The following LYPLA1 variants were observed in gnomAD, a reference collection of about 807,000 sequenced individuals.
LYPLA1 encodes lysophospholipase 1, also known as acyl-protein thioesterase 1.
In LYPLA1, 17 loss-of-function variants were observed where a neutral mutation model predicts 34.0. The ratio of observed to expected loss-of-function variants is 0.50; its 90% CI spans 0.34 to 0.75. LYPLA1 has a LOEUF of 0.75. Ranked by LOEUF, LYPLA1 falls within the 30% of genes least tolerant of loss-of-function variation. LYPLA1 has a pLI of 0.01. For synonymous variants in LYPLA1, 98 were observed against 100.8 expected (o/e 0.97, Z 0.17); for missense variants, 203 against 288.8 (o/e 0.70, Z 2.15).
In LYPLA1 at chr8:54,051,365, T is replaced by C. The variant is rs536692069; in HGVS notation, c.463-177A>G. On this transcript the variant is annotated intron_variant, in intron 7 of 8. Coordinates refer to ENST00000316963, the MANE Select transcript of LYPLA1 (RefSeq NM_006330.4). ...CCACATCCCTTTGACTTCTATAGGA[T>C]GTATGATCACCTTGCCTCATATTAT... Among the ~76,000 whole-genome samples, 13 of 152,346 alleles carry C rather than the reference T, an allele frequency of 8.5e-5. No homozygotes were observed. The South Asian group carries it at 2.5e-3, about 29-fold the overall frequency.
At chr8:54,067,757 G>A (rs867787498) in intron 2 of LYPLA1, among the ~76,000 whole-genome samples, 12 of 149,248 alleles carry the variant, frequency 8.0e-5, no homozygotes, top group Admixed American at 5.4e-4. Context: ...GTGCAGTGGC[G>A]CGATCTCGGC....
intron 2 of LYPLA1, among the ~76,000 whole-genome samples, chr8:54,070,114 T>C (rs762621364): frequency 8.5e-5 from 13 of 152,218 alleles, no homozygotes; most frequent in Non-Finnish European, 1.9e-4. Flanking sequence ...AGTTACCATA[T>C]CCAGCAATTC....
rs1422870111 is a variant in LYPLA1, at chr8:54,059,329, G to A, written c.286+2925C>T. On this transcript the variant is annotated intron_variant, in intron 5 of 8. Transcript: ENST00000316963. ...TTTTTTTTTTTTGAGACGGAGTCTC[G>A]CTCTGTTGCCCAGGCCGGACTGCGG... Among the ~76,000 whole-genome samples, 5 of 68,886 alleles carry A rather than the reference G, an allele frequency of 7.3e-5. 1 individual carries two copies. Among genetic ancestry groups the A allele is most frequent in the African/African-American group, 3.1e-4 (2 of 6,542 alleles). The allele number at this position is 68,886 out of a possible 152,430, so 45.2% of individuals were successfully genotyped here. A position where few individuals can be genotyped will look rare whatever the true frequency, so the allele number is the denominator to read the frequency against.
intron 2 of LYPLA1, among the ~76,000 whole-genome samples, chr8:54,099,092 T>C (rs536413145): frequency 6.6e-6 from 1 of 152,250 alleles, no homozygotes; most frequent in East Asian, 1.9e-4. Context: ...TTTTTACTTT[T>C]AGCTTCAGTC....
intron 5 of LYPLA1, among the ~76,000 whole-genome samples, chr8:54,060,512 A>T (rs1806525189): frequency 6.6e-6 from 1 of 152,094 alleles, no homozygotes. Flanking sequence ...ATAATCATAA[A>T]GGAGATGGAC....
intron 8 of LYPLA1, among the ~76,000 whole-genome samples, chr8:54,049,288 G>A (rs958006949): frequency 8.5e-5 from 13 of 152,156 alleles, no homozygotes; most frequent in Non-Finnish European, 1.8e-4. Context: ...CCAGGCCTCC[G>A]GCCTCCTTCA....
At chr8:54,076,674 G>C (rs1029186664) in intron 2 of LYPLA1, among the ~76,000 whole-genome samples, 52 of 152,280 alleles carry the variant, frequency 3.4e-4, no homozygotes, top group Admixed American at 9.8e-4. Context: ...ACCTGGCCCC[G>C]CTTAAAGGCA....
At chr8:54,075,022 T>G (rs2129344249) in intron 2 of LYPLA1, among the ~76,000 whole-genome samples, 1 of 152,368 alleles carries the variant, frequency 6.6e-6, no homozygotes, top group South Asian at 2.1e-4. Flanking sequence ...AACACATTAC[T>G]GGTATCCCAT....
chr8:54,086,064 C>A (rs1176718109), intron 2 of LYPLA1, among the ~76,000 whole-genome samples: 1 of 152,144 alleles, frequency 6.6e-6, no homozygotes, highest in Non-Finnish European at 1.5e-5. Flanking sequence ...ATAGGAGACT[C>A]CATTTTGTTC....
intron 2 of LYPLA1, among the ~76,000 whole-genome samples, chr8:54,096,078 G>C (rs988105556): frequency 1.2e-4 from 19 of 152,194 alleles, no homozygotes; most frequent in Admixed American, 1.2e-3. Context: ...TTATACTGGA[G>C]TGTCCTGGTA....
At chr8:54,101,476 C>T in intron 1 of LYPLA1, 1 of 1,111,710 alleles carries the variant, frequency 9.0e-7, no homozygotes, top group Non-Finnish European at 1.1e-6. Context: ...GCTGCAGAGG[C>T]TGACGCCGTG....
In LYPLA1 at chr8:54,046,649, AC is replaced by A. The variant is rs1805506579; in HGVS notation, c.*1415del. 1 of 152,594 alleles carries A rather than the reference AC, an allele frequency of 6.6e-6. No individual in the cohort carries two copies. Among genetic ancestry groups the A allele is most frequent in the Non-Finnish European group, 1.5e-5 (1 of 68,010 alleles). The allele number at this position is 152,594 out of a possible 1,614,324, so 9.5% of individuals were successfully genotyped here. A position where few individuals can be genotyped will look rare whatever the true frequency, so the allele number is the denominator to read the frequency against. On this transcript the variant is annotated 3_prime_UTR_variant, in exon 9 of 9. Coordinates refer to ENST00000316963, the MANE Select transcript of LYPLA1 (RefSeq NM_006330.4). The stretch of plus-strand genomic sequence containing the variant: ...TAAATTATTTCCATTATCAATTAGC[AC>A]CCATTTATAAAGATGCATTCTTAAT...
chr8:54,069,547 C>T (rs1008882137), intron 2 of LYPLA1, among the ~76,000 whole-genome samples: 4 of 152,148 alleles, frequency 2.6e-5, no homozygotes, highest in East Asian at 1.9e-4. Context: ...AACCCCGTCT[C>T]TACTAAATCT....
chr8:54,100,300 G>A (rs1476175560), intron 2 of LYPLA1: 1 of 152,706 alleles, frequency 6.5e-6, no homozygotes, highest in East Asian at 1.9e-4. Context: ...AGTGAGCTAA[G>A]ATCCTGCAAC....
Position 54,101,866 on chromosome 8 carries a change from G to T in LYPLA1, c.-43C>A. ...AGCGCAAGCGGAAGGAAGAGCGGGCGCCCGGCCGCGGCCCAAGGGCGTGCG... is the reference window on the plus strand; with the variant it reads ...AGCGCAAGCGGAAGGAAGAGCGGGCTCCCGGCCGCGGCCCAAGGGCGTGCG... On this transcript the variant is annotated 5_prime_UTR_variant, in exon 1 of 9. Coordinates refer to ENST00000316963, the MANE Select transcript of LYPLA1 (RefSeq NM_006330.4). 1.2e-5 allele frequency: 14 copies of T among 1,178,326 alleles called. No individual in the cohort carries two copies. The highest frequency in any genetic ancestry group is 1.5e-5 in the Non-Finnish European group (14 of 936,354). 73.0% of individuals were successfully genotyped at this position (1,178,326 alleles called of 1,614,324 possible). A position where few individuals can be genotyped will look rare whatever the true frequency, so the allele number is the denominator to read the frequency against.
chr8:54,067,930 G>A (rs1279280905), intron 2 of LYPLA1, among the ~76,000 whole-genome samples: 3 of 151,700 alleles, frequency 2.0e-5, no homozygotes, highest in African/African-American at 7.3e-5. Context: ...CTCATGATCC[G>A]TCTGCCTCAG....
At chr8:54,063,220 T>C (rs565080625) in intron 4 of LYPLA1, 108 bp downstream of exon 4, 25 of 682,066 alleles carry the variant, frequency 3.7e-5, no homozygotes, top group Non-Finnish European at 5.6e-5. Flanking sequence ...CTATGCAACT[T>C]TGCAATTTAA....
chr8:54,069,767 G>C (rs1395449324), intron 2 of LYPLA1, among the ~76,000 whole-genome samples: 1 of 151,356 alleles, frequency 6.6e-6, no homozygotes, highest in Non-Finnish European at 1.5e-5. Context: ...CATTAAAAGG[G>C]TTAGTTTTAT....
intron 2 of LYPLA1, among the ~76,000 whole-genome samples, chr8:54,083,274 A>T (rs1046356805): frequency 6.6e-6 from 1 of 152,194 alleles, no homozygotes; most frequent in African/African-American, 2.4e-5. Flanking sequence ...CAGGTAGCCC[A>T]TAAGAACCCA....
Sources: allele counts gnomAD v4.1 joint callset (sites outside exome capture counted in the v4.1 genomes callset), GRCh38; gene constraint gnomAD v4.1.1; transcripts MANE v1.5; gene names NCBI Gene and HGNC (gene_info 2026-07-23, HGNC 2026-07-21).